The following MFSD1 variants were observed in gnomAD, a reference collection of about 807,000 sequenced individuals.
MFSD1 encodes the protein major facilitator superfamily domain containing 1, also known as lysosomal dipeptide transporter MFSD1.
In MFSD1, 59 loss-of-function variants were observed where a neutral mutation model predicts 67.1. The observed-to-expected ratio is 0.88, with a 90% CI of 0.71 to 1.09. The LOEUF (loss-of-function observed/expected upper bound fraction) is 1.09, where lower values mean the gene tolerates loss of function less well. MFSD1 is among the 50% of genes least tolerant of loss of function. The pLI is 0.00. For synonymous variants in MFSD1, 213 were observed against 200.3 expected (o/e 1.06, Z -0.54); for missense variants, 552 against 566.1 (o/e 0.97, Z 0.25).
At chr3:158,827,931 AGAGAGAGAGAGGGG>A (rs1292221573) in intron 15 of MFSD1, among the ~76,000 whole-genome samples, 662 of 18,818 alleles carry the variant, frequency 0.035, 15 homozygotes, top group African/African-American at 0.065. Flanking sequence ...AGAGAGAGAG[AGAGAGAGAGAGGGG>A]GAGAGAGAGA....
intron 9 of MFSD1, among the ~76,000 whole-genome samples, chr3:158,820,717 G>A (rs1469162742): frequency 2.6e-5 from 4 of 152,188 alleles, no homozygotes; most frequent in Admixed American, 2.6e-4. Flanking sequence ...AGAGAAATGA[G>A]TGCCAGCAGG....
chr3:158,807,820 T>C (rs1729804216), intron 5 of MFSD1, among the ~76,000 whole-genome samples: 1 of 152,262 alleles, frequency 6.6e-6, no homozygotes, highest in Non-Finnish European at 1.5e-5. Context: ...TCACTCTTTC[T>C]TAGCAAGTGA....
At chr3:158,805,212 G>T in intron 2 of MFSD1, 150 bp from the exon 3 acceptor site, 1 of 658,262 alleles carries the variant, frequency 1.5e-6, no homozygotes, top group Non-Finnish European at 2.7e-6. Context: ...TCTCAAGGAA[G>T]TTAGTGAGAC....
At chr3:158,805,788 T>TCTGAGCTGTTTGCAGCTTC (rs1288467284) in intron 3 of MFSD1, among the ~76,000 whole-genome samples, 2 of 152,214 alleles carry the variant, frequency 1.3e-5, no homozygotes, top group Non-Finnish European at 2.9e-5. Flanking sequence ...TCCTGGCTGT[T>TCTGAGCTGTTTGCAGCTTC]CTGAGCTGTT....
rs947767234 is a variant in MFSD1 at position 158,827,398 on chromosome 3, G to A, written c.1394+61G>A. ...TTGAAATCTTAAATATGAGCATTTC[G>A]TTTCAAGGTTTGGGCTTTGAAGTTT... On this transcript the variant is annotated intron_variant, in intron 15 of 15. Coordinates refer to ENST00000415822, the MANE Select transcript of MFSD1 (RefSeq NM_022736.4). 1.6e-4 allele frequency: 143 copies of A among 889,928 alleles called. 1 individual carries two copies. Among genetic ancestry groups the A allele is most frequent in the Non-Finnish European group, 1.9e-4 (118 of 609,690 alleles). 55.1% of individuals were successfully genotyped at this position (889,928 alleles called of 1,614,324 possible). A position where few individuals can be genotyped will look rare whatever the true frequency, so the allele number is the denominator to read the frequency against.
At chr3:158,805,601 TA>T (rs1188202164) in intron 3 of MFSD1, 127 bp downstream of exon 3, 46 of 784,922 alleles carry the variant, frequency 5.9e-5, no homozygotes, top group Non-Finnish European at 8.5e-5. Flanking sequence ...TTGAGTTTTT[TA>T]AAAAAATGAT....
In MFSD1 at chr3:158,829,030, T is replaced by A. The variant is rs1731171000; in HGVS notation, c.*48T>A. ...GAGAATGGGCTTAACACATCGTTGGTTTGAAAACTTCCATTTTTAAAAATT... is the reference window on the plus strand; with the variant it reads ...GAGAATGGGCTTAACACATCGTTGGATTGAAAACTTCCATTTTTAAAAATT... On this transcript the variant is annotated 3_prime_UTR_variant, in exon 16 of 16. Transcript: ENST00000415822. 6.4e-7 allele frequency: 1 copy of A among 1,555,026 alleles called. No homozygotes were observed. Among genetic ancestry groups the A allele is most frequent in the African/African-American group, 1.4e-5 (1 of 72,334 alleles).
chr3:158,813,212 A>T (rs1167561796), intron 6 of MFSD1, among the ~76,000 whole-genome samples: 3 of 148,808 alleles, frequency 2.0e-5, no homozygotes, highest in Non-Finnish European at 4.4e-5. Flanking sequence ...CAGTGGCATG[A>T]TATCAGCTCA....
intron 1 of MFSD1, 189 bp from the exon 2 acceptor site, chr3:158,804,130 C>T (rs1729598985): frequency 1.9e-6 from 1 of 519,110 alleles, no homozygotes; most frequent in Non-Finnish European, 3.4e-6. Flanking sequence ...TGTGTATGAA[C>T]ACTACCAATT....
chr3:158,827,976 G>GACAGACAGAC (rs1371636474), intron 15 of MFSD1, among the ~76,000 whole-genome samples: 1 of 78,912 alleles, frequency 1.3e-5, no homozygotes, highest in Non-Finnish European at 2.5e-5. Flanking sequence ...GAGAGAGAGA[G>GACAGACAGAC]AGACAGAGAT....
intron 1 of MFSD1, 116 bp from the exon 2 acceptor site, chr3:158,804,201 ATT>A (rs1176645047): frequency 6.4e-6 from 4 of 626,434 alleles, no homozygotes; most frequent in African/African-American, 1.9e-5. Flanking sequence ...GTTCAGAAAT[ATT>A]TCTGTAGTGT....
In MFSD1 at chr3:158,809,286, T is replaced by C. The variant is rs1415424533; in HGVS notation, c.548T>C (p.Ile183Thr). The change falls in exon 6 of 16, where the codon ATT (isoleucine) becomes ACT (threonine). Residue 183 changes from isoleucine to threonine, a missense_variant and splice_region_variant. By Grantham distance (89) the Ile-to-Thr change is moderately conservative (BLOSUM62 -1). Transcript: ENST00000415822. ...VFGLQLSMAR[I>T]GSTVNMNLMG... ...GGACTTCAACTTAGCATGGCTAGAA[T>C]TGTAAGTATAATGAAAAGCCTGATG... 6 of 1,586,756 alleles carry C rather than the reference T, an allele frequency of 3.8e-6. No homozygotes were observed. The highest frequency in any genetic ancestry group is 2.2e-5 in the East Asian group (1 of 44,734).
intron 6 of MFSD1, among the ~76,000 whole-genome samples, chr3:158,812,017 TC>T (rs1251363457): frequency 1.3e-5 from 2 of 152,224 alleles, no homozygotes; most frequent in Non-Finnish European, 2.9e-5. Flanking sequence ...TAGCAAGTAC[TC>T]AATAAATGTT....
At position 158,809,145 on chromosome 3, in the gene MFSD1, G is replaced by A; in HGVS notation, c.441-34G>A. 1.4e-6 allele frequency: 2 copies of A among 1,440,314 alleles called. 1 individual carries two copies. The highest frequency in any genetic ancestry group is 3.8e-4 in the Middle Eastern group (2 of 5,244). The allele number at this position is 1,440,314 out of a possible 1,614,324, so 89.2% of individuals were successfully genotyped here. ...AACTGTAGTATTTCTTTAAAGTTGT[G>A]ACTTCTGGTTTTTTTTTTTTTTTCT... On this transcript the variant is annotated intron_variant, in intron 5 of 15. Transcript: ENST00000415822.
chr3:158,825,957 A>G (rs1223247054), intron 13 of MFSD1, 58 bp from the exon 14 acceptor site: 4 of 1,319,284 alleles, frequency 3.0e-6, no homozygotes, highest in Admixed American at 3.4e-5. Context: ...TTATGATTAC[A>G]TAGGAATCAT....
chr3:158,811,896 A>T (rs189006750), intron 6 of MFSD1, among the ~76,000 whole-genome samples: 89 of 152,360 alleles, frequency 5.8e-4, no homozygotes, highest in African/African-American at 2.0e-3. Context: ...TTCCTCAAAG[A>T]TAGGATGTTG....
In MFSD1 at chr3:158,822,444, A is replaced by C. The variant is rs1461489347; in HGVS notation, c.1077+304A>C. The stretch of plus-strand genomic sequence containing the variant: ...TTATTAGTCCCATTTGTTTTTCTAA[A>C]ATAGGTGACTTAAAAGAAGGCATTC... On this transcript the variant is annotated intron_variant, in intron 11 of 15. Coordinates refer to ENST00000415822, the MANE Select transcript of MFSD1 (RefSeq NM_022736.4). 2.8e-5 allele frequency: 5 copies of C among 179,716 alleles called. No individual in the cohort carries two copies. The Admixed American group carries it at 3.0e-4, about 11-fold the overall frequency. The allele number at this position is 179,716 out of a possible 1,614,324, so 11.1% of individuals were successfully genotyped here.
chr3:158,823,652 T>C (rs1362316938), intron 12 of MFSD1, 127 bp downstream of exon 12: 5 of 757,624 alleles, frequency 6.6e-6, no homozygotes, highest in Non-Finnish European at 1.2e-5. Flanking sequence ...TGGAGATAAC[T>C]GGAAAAGTCA....
intron 7 of MFSD1, among the ~76,000 whole-genome samples, chr3:158,814,502 G>T (rs893835401): frequency 6.6e-6 from 1 of 151,720 alleles, no homozygotes; most frequent in Non-Finnish European, 1.5e-5. Context: ...TGTATTTTTA[G>T]TAGAGATGGA....
Sources: gnomAD v4.1 joint callset for allele counts (sites outside exome capture counted in the v4.1 genomes callset) on GRCh38, gnomAD v4.1.1 for gene constraint, MANE v1.5 for transcripts, NCBI Gene and HGNC (gene_info 2026-07-23, HGNC 2026-07-21) for gene names.